Variants in PSPC1 observed in about 807,000 individuals in gnomAD.
PSPC1 encodes the protein paraspeckle component 1, also known as paraspeckle protein 1.
PSPC1 carries 14 observed loss-of-function variants against 51.6 expected under a neutral mutation model. The ratio of observed to expected loss-of-function variants is 0.27; its 90% CI spans 0.18 to 0.42. PSPC1 has a LOEUF of 0.42. Among genes scored for constraint, PSPC1 ranks in the 10% least tolerant of loss-of-function variants. The probability of loss-of-function intolerance (pLI) is 1.00; values close to 1 mark genes in which losing one functional copy is unlikely to be tolerated. For missense variants in PSPC1, 406 were observed against 701.1 expected (o/e 0.58, Z 4.75); for synonymous variants, 193 against 231.9 (o/e 0.83, Z 1.53).
In PSPC1 at chr13:19,730,293, T is replaced by C. The variant is rs772611694; in HGVS notation, c.1104A>G (p.Glu368=). The change falls in exon 6 of 9, where the codon GAA becomes GAG. Residue 368 remains glutamate, a synonymous_variant. Coordinates refer to ENST00000338910, the MANE Select transcript of PSPC1 (RefSeq NM_001354909.2). ...CTTGCTGTCGCCTCAGTTCCTCCTG[T>C]TCTCTGTGTCGGATCATTTCTTCCT... ...RREEEMIRHR[E]QEELRRQQEG... The C allele has an allele frequency of 6.2e-7, 1 of 1,614,194 alleles. No homozygotes were observed. The highest frequency in any genetic ancestry group is 8.5e-7 in the Non-Finnish European group (1 of 1,180,026).
At chr13:19,708,722 A>G (rs1362639451) in intron 7 of PSPC1, among the ~76,000 whole-genome samples, 1 of 152,240 alleles carries the variant, frequency 6.6e-6, no homozygotes, top group African/African-American at 2.4e-5. Flanking sequence ...AGGTTAAAGG[A>G]AAAAAGTTCA....
rs754279985 is a variant in PSPC1, at chr13:19,782,360, C to T, written c.372+26G>A. On this transcript the variant is annotated intron_variant, in intron 1 of 8. Transcript: ENST00000338910. The surrounding 1 kb of genome is among the most constrained non-coding windows in gnomAD (Gnocchi z 4.5). ...CGGCCACCCCGACAGTCCTTTTGTT[C>T]CCTCGCGCGGGCGCCTGACACTCAC... 1 of 1,556,500 alleles carries T rather than the reference C, an allele frequency of 6.4e-7. No homozygotes were observed. The highest frequency in any genetic ancestry group is 1.2e-5 in the South Asian group (1 of 83,742).
At chr13:19,676,894 C>T (rs554545447) in intron 7 of PSPC1, among the ~76,000 whole-genome samples, 3 of 152,124 alleles carry the variant, frequency 2.0e-5, no homozygotes, top group South Asian at 2.1e-4. Flanking sequence ...GACCCCTCTC[C>T]GAAAAAGTAA....
downstream of PSPC1, chr13:19,672,582 A>AG (rs1268971836): frequency 6.5e-6 from 1 of 152,714 alleles, no homozygotes; most frequent in South Asian, 2.1e-4. Context: ...AAGTTACCCA[A>AG]GCACCAAATA....
chr13:19,698,356 C>T (rs912997171), downstream of PSPC1, among the ~76,000 whole-genome samples: 13 of 151,754 alleles, frequency 8.6e-5, no homozygotes, highest in Non-Finnish European at 1.5e-4. Flanking sequence ...AAGTCTTCAA[C>T]ACCATCAACA....
Position 19,751,378 on chromosome 13 carries a change from T to C in PSPC1, c.860A>G (p.Lys287Arg). 4.4e-6 allele frequency: 7 copies of C among 1,593,436 alleles called. No homozygotes were observed. Among genetic ancestry groups the C allele is most frequent in the South Asian group, 1.1e-5 (1 of 87,052 alleles). ...SRWKALDEME[K>R]QQREQVDRNI... ...TCTATCAACCTGCTCACGCTGCTGC[T>C]TTTCCATTTCATCAAGAGCCTTCCA... is the stretch of plus-strand genomic sequence containing the variant. Residue 287 changes from lysine to arginine, a missense_variant, in exon 4 of 9, where the codon AAG becomes AGG. Physicochemically the swap from Lys to Arg is conservative, Grantham distance 26 (BLOSUM62 2). Around this residue, in one of 5 missense-constraint regions of PSPC1, gnomAD observed 180 missense variants for 337.9 expected, o/e 0.53. Coordinates refer to ENST00000338910, the MANE Select transcript of PSPC1 (RefSeq NM_001354909.2).
intron 6 of PSPC1, among the ~76,000 whole-genome samples, chr13:19,684,496 T>C (rs1406808978): frequency 6.6e-6 from 1 of 152,232 alleles, no homozygotes; most frequent in Non-Finnish European, 1.5e-5. Flanking sequence ...AAACAAATTG[T>C]CAAATAATAT....
At chr13:19,730,967 A>AAAAAAAAAAAAC (rs1884016888) in intron 5 of PSPC1, among the ~76,000 whole-genome samples, 1 of 140,454 alleles carries the variant, frequency 7.1e-6, no homozygotes, top group Non-Finnish European at 1.6e-5. Context: ...CAAAAAAACA[A>AAAAAAAAAAAAC]AAAAAAAAAA....
At chr13:19,729,231 T>C (rs554449899) in intron 6 of PSPC1, among the ~76,000 whole-genome samples, 5 of 152,252 alleles carry the variant, frequency 3.3e-5, no homozygotes, top group South Asian at 2.1e-4. Flanking sequence ...TATGAAACAA[T>C]AGATGATCTA....
At chr13:19,683,706 A>C (rs9506355) in intron 6 of PSPC1, among the ~76,000 whole-genome samples, 1 of 152,216 alleles carries the variant, frequency 6.6e-6, no homozygotes, top group South Asian at 2.1e-4. Context: ...CCTAAAATAA[A>C]ACCATGTTCA....
intron 3 of PSPC1, among the ~76,000 whole-genome samples, chr13:19,752,090 G>A (rs1886614554): frequency 6.6e-6 from 1 of 152,096 alleles, no homozygotes; most frequent in Non-Finnish European, 1.5e-5. Flanking sequence ...AGGAAAGTCT[G>A]GAACACATGA....
At chr13:19,774,853 A>C (rs1888950139) in intron 1 of PSPC1, among the ~76,000 whole-genome samples, 1 of 150,568 alleles carries the variant, frequency 6.6e-6, no homozygotes, top group African/African-American at 2.4e-5. Context: ...AGAAAGAAAG[A>C]AAAGCAAACA....
intron 4 of PSPC1, among the ~76,000 whole-genome samples, chr13:19,747,985 A>C (rs1223048127): frequency 6.6e-6 from 1 of 152,196 alleles, no homozygotes; most frequent in African/African-American, 2.4e-5. Context: ...AGGTCAAGGC[A>C]GGTAGATCAC....
rs932090993 is a variant in PSPC1, at chr13:19,682,842, A to G, written c.1159-5019T>C. The stretch of plus-strand genomic sequence containing the variant: ...TCTGGAAGGCCGAGGTGGGAGAATC[A>G]CTTGAGCCCAGGAGTTCAAGACCAA... On this transcript the variant is annotated intron_variant and NMD_transcript_variant, in intron 6 of 7. Coordinates refer to the PSPC1 transcript ENST00000471658. Among the ~76,000 whole-genome samples the G allele has an allele frequency of 3.3e-5, 5 of 151,908 alleles. No individual in the cohort carries two copies. In the East Asian group the frequency reaches 9.7e-4, roughly 29 times the overall value.
At chr13:19,755,235 CA>C (rs1164836477) in intron 3 of PSPC1, among the ~76,000 whole-genome samples, 83 of 131,678 alleles carry the variant, frequency 6.3e-4, no homozygotes, top group Admixed American at 7.0e-4. Context: ...GACCCTGTCT[CA>C]AAAAAAAAAA....
At chr13:19,687,333 G>A (rs540000586) in intron 6 of PSPC1, among the ~76,000 whole-genome samples, 3 of 152,274 alleles carry the variant, frequency 2.0e-5, no homozygotes, top group South Asian at 4.1e-4. Context: ...ACGTATTCCA[G>A]TACAAGACTC....
chr13:19,715,829 C>T (rs575011812), intron 6 of PSPC1, among the ~76,000 whole-genome samples: 63 of 151,996 alleles, frequency 4.1e-4, no homozygotes, highest in African/African-American at 9.6e-4. Context: ...CTAGCTAACA[C>T]GGTGAAACCC....
intron 4 of PSPC1, among the ~76,000 whole-genome samples, chr13:19,743,921 A>G (rs1397340660): frequency 6.6e-6 from 1 of 152,086 alleles, no homozygotes; most frequent in Admixed American, 6.6e-5. Flanking sequence ...CAGCCTGACC[A>G]ACATGGAGAA....
chr13:19,734,449 T>A (rs1884517792), intron 5 of PSPC1, among the ~76,000 whole-genome samples: 3 of 152,136 alleles, frequency 2.0e-5, no homozygotes, highest in Admixed American at 1.3e-4. Flanking sequence ...TGGCTCCACA[T>A]CCAACACAGA....
Sources: allele counts gnomAD v4.1 joint callset (sites outside exome capture counted in the v4.1 genomes callset), GRCh38; gene constraint gnomAD v4.1.1; regional missense constraint gnomAD v4.1.1; non-coding constraint Gnocchi (gnomAD v3.1); transcripts MANE v1.5; gene names NCBI Gene and HGNC (gene_info 2026-07-23, HGNC 2026-07-21).